Variants in SHISA9 observed in about 807,000 individuals in gnomAD.
SHISA9 encodes the protein protein shisa-9.
A neutral mutation model predicts 38.0 loss-of-function variants in SHISA9; 13 were observed. That is an observed-to-expected ratio of 0.34 (90% confidence interval 0.22 to 0.54). The LOEUF (loss-of-function observed/expected upper bound fraction) is 0.54. Ranked by LOEUF, SHISA9 falls within the 20% of genes least tolerant of loss-of-function variation. SHISA9 has a pLI of 0.91. For missense variants in SHISA9, 538 were observed against 575.8 expected (o/e 0.93, Z 0.67); for synonymous variants, 275 against 242.0 (o/e 1.14, Z -1.27).
At chr16:13,123,876 A>G (rs1461108854) in intron 2 of SHISA9, among the ~76,000 whole-genome samples, 1 of 152,182 alleles carries the variant, frequency 6.6e-6, no homozygotes, top group Non-Finnish European at 1.5e-5. Flanking sequence ...TCTATTTTCA[A>G]CCACAAAATG....
At position 13,238,271 on chromosome 16, in the gene SHISA9, T is replaced by C. The variant is rs1596760867; in HGVS notation, c.*2862T>C. The C allele has an allele frequency of 1.3e-5, 2 of 152,354 alleles. No individual in the cohort carries two copies. Among genetic ancestry groups the C allele is most frequent in the Non-Finnish European group, 2.9e-5 (2 of 68,044 alleles). The allele number at this position is 152,354 out of a possible 1,614,324, so 9.4% of individuals were successfully genotyped here. A position where few individuals can be genotyped will look rare whatever the true frequency, so the allele number is the denominator to read the frequency against. ...TAAATGAAAGGGGAATCATTTCCTA[T>C]GCAAGTCAGTGTTGAACAATGCTGT... On this transcript the variant is annotated 3_prime_UTR_variant, in exon 5 of 5. Transcript: ENST00000558583.
At chr16:13,254,956 G>A in the SHISA9 span, among the ~76,000 whole-genome samples, 1 of 152,196 alleles carries the variant, frequency 6.6e-6, no homozygotes, top group Non-Finnish European at 1.5e-5. Flanking sequence ...CAGCAGGAAA[G>A]TATCTGTTCC....
intron 2 of SHISA9, among the ~76,000 whole-genome samples, chr16:13,133,581 T>A (rs2050323350): frequency 6.6e-6 from 1 of 152,176 alleles, no homozygotes; most frequent in South Asian, 2.1e-4. Context: ...CCCCATTGTA[T>A]ATGAAAAGCG....
chr16:12,997,922 T>G (rs565374041), intron 2 of SHISA9, among the ~76,000 whole-genome samples: 1 of 152,292 alleles, frequency 6.6e-6, no homozygotes, highest in South Asian at 2.1e-4. Flanking sequence ...GCTTAAACGG[T>G]GCCTTCTCGT....
chr16:12,989,335 G>A (rs1361340585), intron 2 of SHISA9, among the ~76,000 whole-genome samples: 1 of 151,796 alleles, frequency 6.6e-6, no homozygotes, highest in East Asian at 1.9e-4. Context: ...GCACCACCCT[G>A]CCTGGCTAAT....
At chr16:13,540,243 C>T in the SHISA9 span, among the ~76,000 whole-genome samples, 2 of 152,016 alleles carry the variant, frequency 1.3e-5, no homozygotes, top group South Asian at 4.2e-4. Context: ...TATAGCAGAT[C>T]ATTCTTGGTG....
chr16:13,256,210 C>T, the SHISA9 span, among the ~76,000 whole-genome samples: 7 of 152,244 alleles, frequency 4.6e-5, no homozygotes, highest in South Asian at 2.1e-4. Context: ...TTCCCAGCCT[C>T]GATTAGGTGC....
chr16:13,323,709 C>G, the SHISA9 span, among the ~76,000 whole-genome samples: 1 of 152,064 alleles, frequency 6.6e-6, no homozygotes, highest in Non-Finnish European at 1.5e-5. Context: ...GAAGAAGTGT[C>G]GAGCAAAGGG....
chr16:13,205,277 G>A (rs1179051619), intron 3 of SHISA9, among the ~76,000 whole-genome samples: 2 of 152,194 alleles, frequency 1.3e-5, no homozygotes, highest in Non-Finnish European at 2.9e-5. Context: ...CCACATCCAG[G>A]AAAACCAAAT....
intron 1 of SHISA9, among the ~76,000 whole-genome samples, chr16:12,903,421 G>A (rs1317667729): frequency 6.6e-6 from 1 of 152,238 alleles, no homozygotes; most frequent in African/African-American, 2.4e-5. Flanking sequence ...TTTCGGGTTT[G>A]CCTTGTTCAT....
At chr16:13,561,675 T>A in the SHISA9 span, among the ~76,000 whole-genome samples, 2 of 152,104 alleles carry the variant, frequency 1.3e-5, no homozygotes, top group East Asian at 3.9e-4. Flanking sequence ...GCTCCATGAG[T>A]CTGCGGTGCC....
chr16:13,533,781 A>ATT, the SHISA9 span, among the ~76,000 whole-genome samples: 195 of 128,154 alleles, frequency 1.5e-3, 1 homozygote, highest in Non-Finnish European at 1.9e-3. Flanking sequence ...ATAACTCTCA[A>ATT]TTTTTTTTTT....
At chr16:13,218,270 G>T (rs1239941570) in intron 4 of SHISA9, among the ~76,000 whole-genome samples, 1 of 152,020 alleles carries the variant, frequency 6.6e-6, no homozygotes, top group Non-Finnish European at 1.5e-5. Context: ...CACTCCTAAG[G>T]AATTAGAACA....
chr16:13,187,797 G>A (rs2050842371), intron 2 of SHISA9, among the ~76,000 whole-genome samples: 1 of 152,176 alleles, frequency 6.6e-6, no homozygotes, highest in African/African-American at 2.4e-5. Flanking sequence ...GTGGGGTTGT[G>A]AGTGGACAAA....
At chr16:13,360,070 G>T in the SHISA9 span, among the ~76,000 whole-genome samples, 3 of 152,166 alleles carry the variant, frequency 2.0e-5, no homozygotes, top group Non-Finnish European at 4.4e-5. Flanking sequence ...AAGGACATCC[G>T]GTTCTGGGGA....
chr16:13,479,627 C>T, the SHISA9 span, among the ~76,000 whole-genome samples: 2 of 152,088 alleles, frequency 1.3e-5, no homozygotes, highest in Non-Finnish European at 2.9e-5. Context: ...CTGTTAACTC[C>T]ATAACATGCT....
chr16:13,381,310 G>A, the SHISA9 span, among the ~76,000 whole-genome samples: 1 of 152,154 alleles, frequency 6.6e-6, no homozygotes, highest in Non-Finnish European at 1.5e-5. Context: ...ATAACCAGTA[G>A]AATAACAAAT....
rs79476054 is a variant in SHISA9, at chr16:12,948,102, G to A, written c.691+31287G>A. ...CCAAACCAATTGTGTGCCAGGATTT[G>A]TGTTTAAGGTGCTTAGTTTAATCTT... On this transcript the variant is annotated intron_variant, in intron 2 of 4. Transcript: ENST00000558583. 1.6e-3 allele frequency among the ~76,000 whole-genome samples: 243 copies of A among 152,306 alleles called. 2 individuals are homozygous for A. In the East Asian group the frequency reaches 0.03, roughly 19 times the overall value.
the SHISA9 span, among the ~76,000 whole-genome samples, chr16:13,544,429 GTT>G: frequency 2.0e-5 from 2 of 102,106 alleles, no homozygotes; most frequent in Non-Finnish European, 3.7e-5. Flanking sequence ...TTTTTTTCTT[GTT>G]TTTTTTTTTT....
Sources: allele counts gnomAD v4.1 joint callset (sites outside exome capture counted in the v4.1 genomes callset), GRCh38; gene constraint gnomAD v4.1.1; transcripts MANE v1.5; gene names NCBI Gene and HGNC (gene_info 2026-07-23, HGNC 2026-07-21).